SLC6A2: variants seen among roughly 807,000 people sequenced by gnomAD.
SLC6A2 encodes sodium-dependent noradrenaline transporter.
A neutral mutation model predicts 71.7 loss-of-function variants in SLC6A2; 26 were observed. That is an observed-to-expected ratio of 0.36 (90% CI 0.27 to 0.50). The LOEUF is 0.50. Among genes scored for constraint, SLC6A2 ranks in the 20% least tolerant of loss-of-function variants. The pLI is 0.96. For synonymous variants in SLC6A2, 363 were observed against 337.9 expected (o/e 1.07, Z -0.82); for missense variants, 581 against 803.9 (o/e 0.72, Z 3.35).
chr16:55,689,251 A>G (rs1965542644), intron 5 of SLC6A2, among the ~76,000 whole-genome samples: 1 of 152,212 alleles, frequency 6.6e-6, no homozygotes, highest in Non-Finnish European at 1.5e-5. Flanking sequence ...TCAACACAAG[A>G]TCTTAGGCAG....
chr16:55,664,375 C>A (rs1423997320), intron 2 of SLC6A2, among the ~76,000 whole-genome samples: 2 of 152,224 alleles, frequency 1.3e-5, no homozygotes, highest in African/African-American at 4.8e-5. Flanking sequence ...ATGGTCAGCA[C>A]TCTTGTTTGC....
chr16:55,683,153 C>G (rs962242791), intron 4 of SLC6A2, among the ~76,000 whole-genome samples: 1 of 152,206 alleles, frequency 6.6e-6, no homozygotes, highest in African/African-American at 2.4e-5. Context: ...ACTGTTTCAG[C>G]AGTCAGTCTT....
chr16:55,660,753 G>A (rs891531479), intron 2 of SLC6A2, among the ~76,000 whole-genome samples: 1 of 152,198 alleles, frequency 6.6e-6, no homozygotes, highest in African/African-American at 2.4e-5. Context: ...CCCTGGCTCA[G>A]GGTTACACTG....
At chr16:55,696,367 C>G (rs767309587) in intron 9 of SLC6A2, 30 bp downstream of exon 9, 2 of 1,342,274 alleles carry the variant, frequency 1.5e-6, no homozygotes, top group East Asian at 2.3e-5. Context: ...ATACCTATCC[C>G]CCATCCCACT....
chr16:55,702,746 C>CAAAA lies in SLC6A2; in HGVS notation c.*400_*401insAAAA. 1.4e-6 allele frequency: 1 copy of CAAAA among 716,346 alleles called. No individual in the cohort carries two copies. The highest frequency in any genetic ancestry group is 1.6e-6 in the Non-Finnish European group (1 of 636,406). The allele number at this position is 716,346 out of a possible 1,614,324, so 44.4% of individuals were successfully genotyped here. A position where few individuals can be genotyped will look rare whatever the true frequency, so the allele number is the denominator to read the frequency against. ...ATGGGCTTTTGATCAGATACCCCTC[C>CAAAA]CAAAAAAAAAAAAAACTAAAACTAA... On this transcript the variant is annotated 3_prime_UTR_variant, in exon 15 of 15. Transcript: ENST00000568943.
intron 2 of SLC6A2, among the ~76,000 whole-genome samples, chr16:55,660,359 C>T (rs1964577687): frequency 1.3e-5 from 2 of 152,184 alleles, no homozygotes; most frequent in African/African-American, 4.8e-5. Context: ...TTAGGATGTT[C>T]ACAGTTGGTG....
Position 55,656,136 on chromosome 16 carries a change from G to T in SLC6A2, c.-85G>T, listed in dbSNP as rs776333261. 45 of 155,154 alleles carry T rather than the reference G, an allele frequency of 2.9e-4. No homozygotes were observed. Among genetic ancestry groups the T allele is most frequent in the Non-Finnish European group, 4.0e-4 (28 of 70,218 alleles). The allele number at this position is 155,154 out of a possible 1,614,324, so 9.6% of individuals were successfully genotyped here. ...GCCGCCGGTCGGGGGCCGGCAGGGC[G>T]CAAGGCACCAGGGATCCCCTCGCCG... On this transcript the variant is annotated 5_prime_UTR_variant, in exon 1 of 15. Coordinates refer to ENST00000568943, the MANE Select transcript of SLC6A2 (RefSeq NM_001172501.3). The surrounding 1 kb of genome is among the most constrained non-coding windows in gnomAD (Gnocchi z 4.5).
In SLC6A2 at chr16:55,681,442, C is replaced by G. The variant is rs550251342; in HGVS notation, c.645-3701C>G. Among the ~76,000 whole-genome samples the G allele has an allele frequency of 3.9e-5, 6 of 152,340 alleles. No homozygotes were observed. The East Asian group carries it at 5.8e-4, about 15-fold the overall frequency. ...AATCGATGAAAGGATTCGGGTCACA[C>G]AGGATCTGGTGGTAAGGGCTAGGAT... On this transcript the variant is annotated intron_variant, in intron 4 of 14. Transcript: ENST00000568943.
intron 4 of SLC6A2, among the ~76,000 whole-genome samples, chr16:55,680,218 T>A (rs1263800465): frequency 1.3e-5 from 2 of 152,138 alleles, no homozygotes; most frequent in Non-Finnish European, 2.9e-5. Context: ...TTAAGGGGGC[T>A]GACAGGAGGC....
At position 55,705,155 on chromosome 16, in the gene SLC6A2, T is replaced by C; in HGVS notation, c.*2809T>C. ...AATGTAAAATATCAGTTTGAGAACA[T>C]CACATTTACGTCTACTCAATGTCTA... is the stretch of plus-strand genomic sequence containing the variant. On this transcript the variant is annotated 3_prime_UTR_variant, in exon 15 of 15. Transcript: ENST00000568943. The C allele has an allele frequency of 8.7e-7, 1 of 1,145,776 alleles. No individual in the cohort carries two copies. Among genetic ancestry groups the C allele is most frequent in the Non-Finnish European group, 1.3e-6 (1 of 797,266 alleles). The allele number at this position is 1,145,776 out of a possible 1,614,324, so 71.0% of individuals were successfully genotyped here. A position where few individuals can be genotyped will look rare whatever the true frequency, so the allele number is the denominator to read the frequency against.
intron 2 of SLC6A2, among the ~76,000 whole-genome samples, chr16:55,658,605 G>A (rs1188779782): frequency 2.6e-5 from 4 of 152,146 alleles, no homozygotes; most frequent in African/African-American, 7.2e-5. Flanking sequence ...CTCTTCCAAC[G>A]AGAAAGTTAA....
chr16:55,693,789 G>A (rs529776054), intron 6 of SLC6A2, among the ~76,000 whole-genome samples: 1 of 152,304 alleles, frequency 6.6e-6, no homozygotes, highest in Non-Finnish European at 1.5e-5. Context: ...GCTCACTCAC[G>A]ACTACCCAAG....
intron 4 of SLC6A2, among the ~76,000 whole-genome samples, chr16:55,677,440 G>C (rs1965125143): frequency 6.6e-6 from 1 of 152,172 alleles, no homozygotes; most frequent in African/African-American, 2.4e-5. Context: ...GTTAGCATTT[G>C]ATTCCTCCGC....
At chr16:55,684,494 A>G (rs1179806974) in intron 4 of SLC6A2, among the ~76,000 whole-genome samples, 1 of 152,240 alleles carries the variant, frequency 6.6e-6, no homozygotes, top group Non-Finnish European at 1.5e-5. Flanking sequence ...TACCTAGGGC[A>G]CAGGATAAGC....
chr16:55,676,780 T>A (rs1360206292), intron 4 of SLC6A2, among the ~76,000 whole-genome samples: 1 of 152,206 alleles, frequency 6.6e-6, no homozygotes, highest in African/African-American at 2.4e-5. Context: ...TTTTTATGAA[T>A]GGGAAAACAG....
At chr16:55,682,337 A>G (rs1965299645) in intron 4 of SLC6A2, among the ~76,000 whole-genome samples, 1 of 152,168 alleles carries the variant, frequency 6.6e-6, no homozygotes. Context: ...ATCTGGGCAA[A>G]AGGGTTAGAA....
intron 2 of SLC6A2, among the ~76,000 whole-genome samples, chr16:55,667,181 G>A (rs1964776441): frequency 6.6e-6 from 1 of 152,112 alleles, no homozygotes; most frequent in African/African-American, 2.4e-5. Flanking sequence ...ACAGGCATGA[G>A]CCACTGTGCC....
At chr16:55,683,633 C>CAAACG (rs1352633489) in intron 4 of SLC6A2, among the ~76,000 whole-genome samples, 1 of 144,998 alleles carries the variant, frequency 6.9e-6, no homozygotes, top group Non-Finnish European at 1.5e-5. Flanking sequence ...AACAAACAAA[C>CAAACG]AAACGAAACA....
chr16:55,702,377 T>G lies in SLC6A2; in HGVS notation c.*31T>G, dbSNP rs1452368073. On this transcript the variant is annotated 3_prime_UTR_variant, in exon 15 of 15. Transcript: ENST00000568943. ...CCTGGAGGAGAAGGAGGAACCCCCA[T>G]GCCAATGTCCAGGTCACAGGCATCC... 10 of 1,614,202 alleles carry G rather than the reference T, an allele frequency of 6.2e-6. No individual in the cohort carries two copies. Among genetic ancestry groups the G allele is most frequent in the Non-Finnish European group, 8.5e-6 (10 of 1,180,034 alleles).
Sources: allele counts gnomAD v4.1 joint callset (sites outside exome capture counted in the v4.1 genomes callset), GRCh38; gene constraint gnomAD v4.1.1; non-coding constraint Gnocchi (gnomAD v3.1); transcripts MANE v1.5; gene names NCBI Gene and HGNC (gene_info 2026-07-23, HGNC 2026-07-21).